GRXCR2: variants seen among roughly 807,000 people sequenced by gnomAD.
The protein encoded by GRXCR2 is glutaredoxin and cysteine rich domain containing 2, also known as glutaredoxin domain-containing cysteine-rich protein 2.
GRXCR2 carries 23 observed loss-of-function variants against 24.8 expected under a neutral mutation model. That is an observed-to-expected ratio of 0.93 (90% CI 0.67 to 1.32). The LOEUF is 1.32. Ranked by LOEUF, GRXCR2 falls within the 40% of genes most tolerant of loss-of-function variation. The probability of loss-of-function intolerance (pLI) is 0.00; values close to 1 mark genes in which losing one functional copy is unlikely to be tolerated. For missense variants in GRXCR2, 315 were observed against 303.4 expected, an observed-to-expected ratio of 1.04 and a Z score of -0.28; for synonymous variants, 130 against 116.1, an observed-to-expected ratio of 1.12 and a Z score of -0.77.
chr5:145,874,319 T>G (rs1184302552), upstream of GRXCR2, among the ~76,000 whole-genome samples: 2 of 151,986 alleles, frequency 1.3e-5, no homozygotes, highest in Non-Finnish European at 2.9e-5. Flanking sequence ...TTCTCATGCC[T>G]CAGCCTCCCG....
upstream of GRXCR2, among the ~76,000 whole-genome samples, chr5:145,876,189 G>GTA (rs1295310846): frequency 5.8e-5 from 4 of 68,446 alleles, no homozygotes; most frequent in African/African-American, 3.8e-4. Context: ...ATGTGTGTGT[G>GTA]TGTATATATA....
intron 2 of GRXCR2, among the ~76,000 whole-genome samples, chr5:145,863,869 CA>C (rs1756384088): frequency 6.6e-6 from 1 of 152,152 alleles, no homozygotes; most frequent in South Asian, 2.1e-4. Context: ...ACTTTGGTCT[CA>C]AATTCCAGTA....
intron 2 of GRXCR2, among the ~76,000 whole-genome samples, chr5:145,925,900 G>C (rs1435447902): frequency 6.6e-6 from 1 of 151,964 alleles, no homozygotes; most frequent in Non-Finnish European, 1.5e-5. Flanking sequence ...CATAAAAAGA[G>C]ACATCTTGCA....
intron 2 of GRXCR2, among the ~76,000 whole-genome samples, chr5:145,889,243 A>AGAAAGAAT (rs1408862997): frequency 1.8e-3 from 264 of 147,574 alleles, no homozygotes; most frequent in African/African-American, 3.0e-3. Flanking sequence ...AAAGAAAGAA[A>AGAAAGAAT]GAATTATGCA....
intron 2 of GRXCR2, among the ~76,000 whole-genome samples, chr5:145,929,939 C>T (rs1399188324): frequency 1.3e-5 from 2 of 152,174 alleles, no homozygotes; most frequent in East Asian, 3.9e-4. Flanking sequence ...TCTCCTATAG[C>T]CTGGGGTACC....
intron 2 of GRXCR2, among the ~76,000 whole-genome samples, chr5:145,905,361 T>C (rs980172336): frequency 6.6e-6 from 1 of 152,146 alleles, no homozygotes; most frequent in Admixed American, 6.5e-5. Context: ...ACTTTATAAA[T>C]CCAAATGTGT....
At chr5:145,860,967 C>G (rs1441910856) in intron 2 of GRXCR2, among the ~76,000 whole-genome samples, 2 of 152,048 alleles carry the variant, frequency 1.3e-5, no homozygotes, top group African/African-American at 4.8e-5. Flanking sequence ...TTGCTCTCCC[C>G]CTTAAAGCTA....
intron 2 of GRXCR2, among the ~76,000 whole-genome samples, chr5:145,895,371 T>C (rs1181240582): frequency 6.6e-6 from 1 of 152,170 alleles, no homozygotes; most frequent in East Asian, 1.9e-4. Flanking sequence ...GACATGATTG[T>C]ATATGTAGAA....
chr5:145,863,736 G>T (rs1348032883), intron 2 of GRXCR2, among the ~76,000 whole-genome samples: 1 of 152,106 alleles, frequency 6.6e-6, no homozygotes, highest in Non-Finnish European at 1.5e-5. Flanking sequence ...GGGCTCAAGG[G>T]ATCTTCCCTC....
chr5:145,890,171 C>A (rs1475110229), intron 2 of GRXCR2, among the ~76,000 whole-genome samples: 2 of 152,234 alleles, frequency 1.3e-5, no homozygotes, highest in African/African-American at 4.8e-5. Context: ...TCACTACAAC[C>A]TCTGCCTCCC....
intron 2 of GRXCR2, among the ~76,000 whole-genome samples, chr5:145,897,247 T>A (rs1228193895): frequency 6.9e-6 from 1 of 145,822 alleles, no homozygotes; most frequent in Non-Finnish European, 1.5e-5. Flanking sequence ...CTGTTGTTTG[T>A]TACATACATA....
chr5:145,873,598 A>C (rs2149912596), upstream of GRXCR2, among the ~76,000 whole-genome samples: 1 of 152,222 alleles, frequency 6.6e-6, no homozygotes, highest in Non-Finnish European at 1.5e-5. Context: ...AGCCCACACA[A>C]CCAGAAGTTT....
chr5:145,927,630 G>C (rs1185035525), intron 2 of GRXCR2, among the ~76,000 whole-genome samples: 1 of 152,086 alleles, frequency 6.6e-6, no homozygotes, highest in African/African-American at 2.4e-5. Context: ...ATTCGGTTTG[G>C]CAGTATTTTA....
intron 2 of GRXCR2, among the ~76,000 whole-genome samples, chr5:145,921,852 C>T (rs941016963): frequency 6.6e-6 from 1 of 152,044 alleles, no homozygotes; most frequent in Admixed American, 6.5e-5. Flanking sequence ...ATTAAGTTTC[C>T]CAGCCATCAT....
intron 2 of GRXCR2, among the ~76,000 whole-genome samples, chr5:145,885,306 C>A (rs1290287842): frequency 6.6e-6 from 1 of 152,152 alleles, no homozygotes; most frequent in African/African-American, 2.4e-5. Context: ...CCACCACCAC[C>A]ACTTAGAAAT....
At chr5:145,890,836 TAA>T (rs575686343) in intron 2 of GRXCR2, among the ~76,000 whole-genome samples, 8 of 139,972 alleles carry the variant, frequency 5.7e-5, no homozygotes, top group African/African-American at 1.0e-4. Context: ...CAAGTTGAAT[TAA>T]AAAAAAAAAA....
chr5:145,923,840 T>A (rs184134985), intron 2 of GRXCR2, among the ~76,000 whole-genome samples: 8 of 152,222 alleles, frequency 5.3e-5, no homozygotes, highest in African/African-American at 1.9e-4. Flanking sequence ...ATATAACCAA[T>A]CCCTTCCTGG....
chr5:145,904,328 C>T (rs1757062681), intron 2 of GRXCR2, among the ~76,000 whole-genome samples: 1 of 152,210 alleles, frequency 6.6e-6, no homozygotes, highest in African/African-American at 2.4e-5. Context: ...CCCACAGTAA[C>T]CCGGATCTGG....
At chr5:145,924,686 T>C (rs1304496226) in intron 2 of GRXCR2, among the ~76,000 whole-genome samples, 1 of 152,196 alleles carries the variant, frequency 6.6e-6, no homozygotes, top group Admixed American at 6.5e-5. Context: ...GCTGGGATAA[T>C]ACATAACCTC....
Sources: allele counts gnomAD v4.1 joint callset (sites outside exome capture counted in the v4.1 genomes callset), GRCh38; gene constraint gnomAD v4.1.1; transcripts MANE v1.5; gene names NCBI Gene and HGNC (gene_info 2026-07-23, HGNC 2026-07-21).